Variants in NAALADL2 observed in about 807,000 individuals in gnomAD.
The protein encoded by NAALADL2 is inactive N-acetylated-alpha-linked acidic dipeptidase-like protein 2.
NAALADL2 carries 76 observed loss-of-function variants against 87.2 expected under a neutral mutation model. That is an observed-to-expected ratio of 0.87 (90% CI 0.72 to 1.05). The LOEUF (loss-of-function observed/expected upper bound fraction) is 1.05. Among genes scored for constraint, NAALADL2 ranks in the 50% least tolerant of loss-of-function variants. The pLI, the probability that NAALADL2 is intolerant of heterozygous loss-of-function variation, is 0.00. For missense variants in NAALADL2, 1,089 were observed against 945.8 expected (o/e 1.15, Z -1.99); for synonymous variants, 354 against 331.0 (o/e 1.07, Z -0.75).
chr3:174,927,591 C>A (rs943483751), intron 1 of NAALADL2, among the ~76,000 whole-genome samples: 5 of 152,144 alleles, frequency 3.3e-5, no homozygotes, highest in Non-Finnish European at 5.9e-5. Flanking sequence ...AACTGAACAA[C>A]CTGCTCCTGA....
At chr3:175,303,874 G>A (rs1757379407) in intron 4 of NAALADL2, among the ~76,000 whole-genome samples, 1 of 152,134 alleles carries the variant, frequency 6.6e-6, no homozygotes, top group South Asian at 2.1e-4. Context: ...GTCCTTTCTA[G>A]AAGTTATATG....
intron 2 of NAALADL2, among the ~76,000 whole-genome samples, chr3:175,120,717 A>T (rs1408022560): frequency 1.3e-5 from 2 of 151,840 alleles, no homozygotes; most frequent in Admixed American, 6.6e-5. Context: ...AGCTATTTTC[A>T]ACACCTGTGC....
chr3:175,052,938 G>A (rs1274054094), intron 1 of NAALADL2, among the ~76,000 whole-genome samples: 1 of 152,090 alleles, frequency 6.6e-6, no homozygotes, highest in African/African-American at 2.4e-5. Flanking sequence ...GTGTGGCCGT[G>A]GCATGCAAAC....
intron 2 of NAALADL2, among the ~76,000 whole-genome samples, chr3:175,225,169 A>G (rs1049882135): frequency 6.6e-6 from 1 of 152,178 alleles, no homozygotes; most frequent in Non-Finnish European, 1.5e-5. Context: ...GCATTGTCGC[A>G]GAGAGATGAC....
At chr3:174,525,248 C>T (rs987335999) in intron 1 of NAALADL2, among the ~76,000 whole-genome samples, 1 of 152,140 alleles carries the variant, frequency 6.6e-6, no homozygotes, top group Non-Finnish European at 1.5e-5. Context: ...TGTGCTAGTC[C>T]ATTCTTGTGT....
At chr3:175,087,457 C>T (rs1055418038) in intron 1 of NAALADL2, among the ~76,000 whole-genome samples, 22 of 151,864 alleles carry the variant, frequency 1.4e-4, no homozygotes, top group Non-Finnish European at 2.6e-4. Flanking sequence ...GCGGTTTTGT[C>T]GAATAGAAAA....
intron 2 of NAALADL2, among the ~76,000 whole-genome samples, chr3:175,206,326 A>G (rs1740908903): frequency 6.9e-6 from 1 of 145,520 alleles, no homozygotes; most frequent in African/African-American, 2.6e-5. Context: ...ATACATACAC[A>G]CACACACACA....
At chr3:175,012,421 G>A (rs949959447) in intron 1 of NAALADL2, among the ~76,000 whole-genome samples, 1 of 152,214 alleles carries the variant, frequency 6.6e-6, no homozygotes, top group African/African-American at 2.4e-5. Flanking sequence ...GCCCACAACG[G>A]CCTCCCAAAT....
At chr3:175,253,063 C>T (rs1008474320) in intron 3 of NAALADL2, among the ~76,000 whole-genome samples, 3 of 152,142 alleles carry the variant, frequency 2.0e-5, no homozygotes, top group Admixed American at 6.5e-5. Context: ...AGTTAAGGTA[C>T]TAATGAAAGT....
intron 2 of NAALADL2, among the ~76,000 whole-genome samples, chr3:174,612,736 A>G (rs2108645145): frequency 6.6e-6 from 1 of 152,194 alleles, no homozygotes; most frequent in East Asian, 1.9e-4. Context: ...CAAAACAGCA[A>G]TTTTGAATTA....
intron 11 of NAALADL2, among the ~76,000 whole-genome samples, chr3:175,732,676 A>C (rs186259664): frequency 6.6e-6 from 1 of 152,244 alleles, no homozygotes; most frequent in South Asian, 2.1e-4. Context: ...AAGCAAGGGC[A>C]GGGAGACCTT....
chr3:174,715,448 T>C (rs1382540911), intron 2 of NAALADL2, among the ~76,000 whole-genome samples: 1 of 152,222 alleles, frequency 6.6e-6, no homozygotes, highest in Non-Finnish European at 1.5e-5. Context: ...AAGATAATAC[T>C]GGTGGTAGAC....
chr3:174,743,278 A>G (rs1171604816), intron 3 of NAALADL2, among the ~76,000 whole-genome samples: 10 of 151,732 alleles, frequency 6.6e-5, no homozygotes, highest in African/African-American at 2.4e-5. Context: ...GAATTTATCA[A>G]ATGGATAATC....
chr3:174,698,548 T>A (rs965931221), intron 2 of NAALADL2, among the ~76,000 whole-genome samples: 1 of 152,152 alleles, frequency 6.6e-6, no homozygotes, highest in Non-Finnish European at 1.5e-5. Context: ...TTTCCTTGTT[T>A]TGCTGTAGAC....
intron 1 of NAALADL2, among the ~76,000 whole-genome samples, chr3:174,998,016 T>G (rs2108749871): frequency 6.6e-6 from 1 of 152,360 alleles, no homozygotes; most frequent in East Asian, 1.9e-4. Flanking sequence ...AAAGTTCTAG[T>G]CAATGAGAAT....
chr3:175,413,556 C>A (rs1315962467), intron 5 of NAALADL2, among the ~76,000 whole-genome samples: 18 of 90,076 alleles, frequency 2.0e-4, no homozygotes, highest in Non-Finnish European at 3.8e-4. Context: ...GGCGACAGAG[C>A]GAGACTCCAT....
intron 1 of NAALADL2, among the ~76,000 whole-genome samples, chr3:175,064,927 A>T (rs1032863703): frequency 5.9e-5 from 9 of 152,158 alleles, no homozygotes; most frequent in Non-Finnish European, 1.3e-4. Flanking sequence ...TTACCTTAAG[A>T]TATGATTAAA....
intron 1 of NAALADL2, among the ~76,000 whole-genome samples, chr3:174,997,246 A>G (rs1376031155): frequency 6.6e-6 from 1 of 151,980 alleles, no homozygotes; most frequent in African/African-American, 2.4e-5. Flanking sequence ...TCTTTAAGAA[A>G]TCTCCATACT....
At chr3:175,272,629 T>C (rs1372713693) in intron 4 of NAALADL2, among the ~76,000 whole-genome samples, 1 of 152,160 alleles carries the variant, frequency 6.6e-6, no homozygotes, top group Non-Finnish European at 1.5e-5. Context: ...TGCTATAATA[T>C]GTCACCCCAG....
Sources: gnomAD v4.1 joint callset for allele counts (sites outside exome capture counted in the v4.1 genomes callset) on GRCh38, gnomAD v4.1.1 for gene constraint, MANE v1.5 for transcripts, NCBI Gene and HGNC (gene_info 2026-07-23, HGNC 2026-07-21) for gene names.